RIMS2: variants seen among roughly 807,000 people sequenced by gnomAD.
RIMS2 encodes regulating synaptic membrane exocytosis protein 2.
RIMS2 carries 59 observed loss-of-function variants against 174.4 expected under a neutral mutation model. The observed-to-expected ratio is 0.34, with a 90% CI of 0.27 to 0.42. The LOEUF (loss-of-function observed/expected upper bound fraction) is 0.42, where lower values mean the gene tolerates loss of function less well. Among genes scored for constraint, RIMS2 ranks in the 10% least tolerant of loss-of-function variants. The probability of loss-of-function intolerance (pLI) is 1.00; values close to 1 mark genes in which losing one functional copy is unlikely to be tolerated. For synonymous variants in RIMS2, 606 were observed against 572.5 expected, an observed-to-expected ratio of 1.06 and a Z score of -0.84; for missense variants, 1,620 against 1,666.3, an observed-to-expected ratio of 0.97 and a Z score of 0.48.
At chr8:104,000,010 A>G (rs566066812) in intron 17 of RIMS2, among the ~76,000 whole-genome samples, 2 of 151,914 alleles carry the variant, frequency 1.3e-5, no homozygotes, top group East Asian at 1.9e-4. Context: ...AGGATTTAGT[A>G]TGTATATTTA....
chr8:103,597,407 T>C (rs1054510370), intron 1 of RIMS2, among the ~76,000 whole-genome samples: 8 of 152,166 alleles, frequency 5.3e-5, no homozygotes, highest in African/African-American at 1.9e-4. Flanking sequence ...TCCCTGTTTA[T>C]GCATACCCTT....
At chr8:103,821,047 T>C (rs2098748813) in intron 3 of RIMS2, among the ~76,000 whole-genome samples, 1 of 151,652 alleles carries the variant, frequency 6.6e-6, no homozygotes, top group East Asian at 1.9e-4. Flanking sequence ...TTTTTTTTAA[T>C]GCCAAGAATT....
intron 19 of RIMS2, among the ~76,000 whole-genome samples, chr8:104,231,294 A>C (rs1195942915): frequency 6.6e-6 from 1 of 152,110 alleles, no homozygotes; most frequent in African/African-American, 2.4e-5. Flanking sequence ...CAGTAGATTT[A>C]CATCTCCTAC....
chr8:103,613,043 G>A (rs1024750670), intron 1 of RIMS2, among the ~76,000 whole-genome samples: 1 of 152,114 alleles, frequency 6.6e-6, no homozygotes, highest in Non-Finnish European at 1.5e-5. Flanking sequence ...TAAGTCCCTG[G>A]TTACCACCTA....
intron 1 of RIMS2, among the ~76,000 whole-genome samples, chr8:103,588,479 G>A (rs2094086867): frequency 6.6e-6 from 1 of 151,734 alleles, no homozygotes; most frequent in South Asian, 2.1e-4. Context: ...GACCAAAACT[G>A]GAGGAATCAC....
At chr8:104,182,734 A>C (rs188582541) in intron 19 of RIMS2, among the ~76,000 whole-genome samples, 222 of 151,710 alleles carry the variant, frequency 1.5e-3, no homozygotes, top group African/African-American at 5.1e-3. Flanking sequence ...GCCATGTGTG[A>C]CTTCTGGTTG....
At chr8:103,780,327 C>A (rs1464292053) in intron 3 of RIMS2, among the ~76,000 whole-genome samples, 1 of 152,092 alleles carries the variant, frequency 6.6e-6, no homozygotes, top group Admixed American at 6.6e-5. Flanking sequence ...TTCTTTGAAG[C>A]TTTTACCTTT....
chr8:104,003,230 T>A (rs2154552421), intron 17 of RIMS2, among the ~76,000 whole-genome samples: 1 of 152,226 alleles, frequency 6.6e-6, no homozygotes, highest in Non-Finnish European at 1.5e-5. Flanking sequence ...TCTTAAAGAA[T>A]AAATAGGAAT....
At chr8:104,202,848 T>A (rs1385996764) in intron 19 of RIMS2, among the ~76,000 whole-genome samples, 1 of 152,198 alleles carries the variant, frequency 6.6e-6, no homozygotes, top group East Asian at 1.9e-4. Context: ...CCATAACACA[T>A]GTGAAGAGAT....
At chr8:103,556,991 A>T (rs543827924) in intron 1 of RIMS2, among the ~76,000 whole-genome samples, 1 of 152,188 alleles carries the variant, frequency 6.6e-6, no homozygotes, top group African/African-American at 2.4e-5. Context: ...AGGAAAGATA[A>T]TTTTAGAATA....
downstream of RIMS2, chr8:104,253,189 T>A (rs932648904): frequency 6.6e-6 from 1 of 152,200 alleles, no homozygotes; most frequent in African/African-American, 2.4e-5. Context: ...CATGTTGCCA[T>A]TGTGATGTCC....
chr8:103,695,012 T>C (rs2097081849), intron 1 of RIMS2, among the ~76,000 whole-genome samples: 1 of 152,154 alleles, frequency 6.6e-6, no homozygotes, highest in Non-Finnish European at 1.5e-5. Context: ...CCTCATTTTA[T>C]TGGTGAAACA....
intron 17 of RIMS2, chr8:103,998,165 T>G: frequency 6.4e-7 from 1 of 1,568,334 alleles, no homozygotes. Context: ...TTTATATTCT[T>G]GTTTCTGCCA....
intron 17 of RIMS2, among the ~76,000 whole-genome samples, chr8:104,011,937 C>T (rs1182653093): frequency 6.6e-6 from 1 of 151,942 alleles, no homozygotes; most frequent in African/African-American, 2.4e-5. Context: ...CTACTGAACA[C>T]ACTTATTTGT....
At chr8:103,621,746 C>T (rs1055692028) in intron 1 of RIMS2, among the ~76,000 whole-genome samples, 4 of 152,192 alleles carry the variant, frequency 2.6e-5, no homozygotes, top group African/African-American at 9.7e-5. Flanking sequence ...TTGAACAATG[C>T]TTGGCACACA....
intron 1 of RIMS2, among the ~76,000 whole-genome samples, chr8:103,579,236 CT>C (rs2093449921): frequency 6.7e-6 from 1 of 149,692 alleles, no homozygotes; most frequent in Non-Finnish European, 1.5e-5. Context: ...CTCTCTCTCT[CT>C]CTCCCTCTCT....
chr8:103,763,164 A>C (rs2140171007), intron 2 of RIMS2, among the ~76,000 whole-genome samples: 1 of 152,282 alleles, frequency 6.6e-6, no homozygotes, highest in South Asian at 2.1e-4. Context: ...ACTAGGAGGC[A>C]TGGTGGCTCA....
intron 19 of RIMS2, among the ~76,000 whole-genome samples, chr8:104,130,554 C>T (rs554935796): frequency 6.4e-4 from 98 of 152,248 alleles, no homozygotes; most frequent in African/African-American, 2.3e-3. Context: ...GCTTGGGAGC[C>T]TTGCCATCCT....
intron 3 of RIMS2, among the ~76,000 whole-genome samples, chr8:103,805,079 C>A (rs947751810): frequency 1.3e-5 from 2 of 152,046 alleles, no homozygotes; most frequent in Non-Finnish European, 2.9e-5. Context: ...CAGGATGAAC[C>A]ACCACACCCA....
Sources: allele counts gnomAD v4.1 joint callset (sites outside exome capture counted in the v4.1 genomes callset), GRCh38; gene constraint gnomAD v4.1.1; transcripts MANE v1.5; gene names NCBI Gene and HGNC (gene_info 2026-07-23, HGNC 2026-07-21).